Variants in PCDHA12 observed in about 807,000 individuals in gnomAD.
The protein encoded by PCDHA12 is protocadherin alpha 12, also known as protocadherin alpha-12.
A neutral mutation model predicts 60.0 loss-of-function variants in PCDHA12; 44 were observed. The ratio of observed to expected loss-of-function variants is 0.73; its 90% confidence interval spans 0.58 to 0.94. PCDHA12 has a LOEUF of 0.94. Among genes scored for constraint, PCDHA12 ranks in the 40% least tolerant of loss-of-function variants. The pLI is 0.00. For missense variants in PCDHA12, 1,276 were observed against 1,239.7 expected (o/e 1.03, Z -0.44); for synonymous variants, 569 against 553.0 (o/e 1.03, Z -0.40).
Position 140,877,150 on chromosome 5 carries a change from G to C in PCDHA12, c.1678G>C (p.Asp560His), listed in dbSNP as rs370292278. The change falls in exon 1 of 4, where the codon GAC becomes CAC. Residue 560 changes from aspartate (D) to histidine (H), a missense_variant. Asp to His is a moderately conservative substitution (Grantham distance 81, BLOSUM62 -1). Transcript: ENST00000398631. ...TLQVFVLDEN[D>H]NAPALLATPA... ...GCAGGTGTTCGTGCTGGACGAGAAC[G>C]ACAACGCGCCGGCACTGCTGGCGAC... 1 of 1,613,790 alleles carries C rather than the reference G, an allele frequency of 6.2e-7. No individual in the cohort carries two copies. The highest frequency in any genetic ancestry group is 2.2e-5 in the East Asian group (1 of 44,870).
chr5:140,917,333 G>A (rs1301739777), intron 1 of PCDHA12, among the ~76,000 whole-genome samples: 2 of 148,632 alleles, frequency 1.3e-5, no homozygotes, highest in African/African-American at 4.9e-5. Flanking sequence ...GCGGGGGAGG[G>A]GGGGGATGGT....
intron 1 of PCDHA12, among the ~76,000 whole-genome samples, chr5:140,894,455 T>C (rs1316862860): frequency 6.6e-6 from 1 of 152,000 alleles, no homozygotes; most frequent in Non-Finnish European, 1.5e-5. Flanking sequence ...TTAAAAAATA[T>C]TTTACTTTTT....
intron 1 of PCDHA12, among the ~76,000 whole-genome samples, chr5:140,904,512 C>A (rs1251570223): frequency 2.0e-5 from 3 of 151,738 alleles, no homozygotes; most frequent in African/African-American, 7.3e-5. Flanking sequence ...GTGAATTGTG[C>A]TGCTATAAAC....
At chr5:140,887,767 A>G (rs782237653) in intron 1 of PCDHA12, among the ~76,000 whole-genome samples, 6 of 152,194 alleles carry the variant, frequency 3.9e-5, no homozygotes, top group African/African-American at 7.2e-5. Context: ...CATATGTTAC[A>G]ATGACACAGG....
chr5:140,891,602 T>G (rs1002471186), intron 1 of PCDHA12, among the ~76,000 whole-genome samples: 16 of 152,184 alleles, frequency 1.1e-4, no homozygotes, highest in Non-Finnish European at 1.8e-4. Context: ...TCCCATCTAT[T>G]TCTACCTTTT....
chr5:140,914,042 T>C (rs2076573370), intron 1 of PCDHA12, among the ~76,000 whole-genome samples: 1 of 152,222 alleles, frequency 6.6e-6, no homozygotes, highest in South Asian at 2.1e-4. Context: ...AGAATGTGTA[T>C]TCTGCAGCTG....
At chr5:140,905,035 G>C (rs1554191907) in intron 1 of PCDHA12, among the ~76,000 whole-genome samples, 1 of 152,136 alleles carries the variant, frequency 6.6e-6, no homozygotes. Flanking sequence ...AAGCTTTTTA[G>C]TTTAATTAGG....
At chr5:140,954,305 T>C (rs2153702260) in intron 1 of PCDHA12, among the ~76,000 whole-genome samples, 1 of 152,342 alleles carries the variant, frequency 6.6e-6, no homozygotes, top group South Asian at 2.1e-4. Context: ...TACCCAGTAA[T>C]GGGATTGCTG....
At chr5:140,988,414 T>C (rs1554250128) in intron 3 of PCDHA12, among the ~76,000 whole-genome samples, 1 of 152,194 alleles carries the variant, frequency 6.6e-6, no homozygotes. Flanking sequence ...GCAGCTTATG[T>C]AAAGAATTTG....
At position 140,912,557 on chromosome 5, in the gene PCDHA12, A is replaced by T. The variant is rs1220242152; in HGVS notation, c.2367+34718A>T. On this transcript the variant is annotated intron_variant, in intron 1 of 3. Transcript: ENST00000398631. ...GATCATATTGTCAGCAAACAGCAAC[A>T]GTTTTAACTTCCTCTTTTCCAATTT... Among the ~76,000 whole-genome samples the T allele has an allele frequency of 4.6e-5, 7 of 152,154 alleles. No individual in the cohort carries two copies. The South Asian group carries it at 1.5e-3, about 32-fold the overall frequency.
intron 3 of PCDHA12, among the ~76,000 whole-genome samples, chr5:141,000,496 C>T (rs1257530549): frequency 7.4e-6 from 1 of 134,362 alleles, no homozygotes; most frequent in Non-Finnish European, 1.5e-5. Context: ...GGTAAGATCT[C>T]GGCTCACTGC....
chr5:140,935,353 T>C (rs2090328143), intron 1 of PCDHA12, among the ~76,000 whole-genome samples: 1 of 152,184 alleles, frequency 6.6e-6, no homozygotes, highest in Non-Finnish European at 1.5e-5. Flanking sequence ...CAAATCCCAG[T>C]TTTCATTAAC....
chr5:140,931,430 A>G (rs1431087207), intron 1 of PCDHA12, among the ~76,000 whole-genome samples: 2 of 149,950 alleles, frequency 1.3e-5, no homozygotes, highest in Non-Finnish European at 3.0e-5. Flanking sequence ...AGTTAGAAGG[A>G]AAATTAGCTA....
Position 140,974,796 on chromosome 5 carries a change from G to T in PCDHA12, c.2368-4153G>T, listed in dbSNP as rs2096640726. On this transcript the variant is annotated intron_variant, in intron 1 of 3. Transcript: ENST00000398631. The stretch of plus-strand genomic sequence containing the variant: ...AGCCACTGCGCCCAGCCCTCATTTT[G>T]ATATACTAGAAGACCAATATGCAAC... Among the ~76,000 whole-genome samples the T allele has an allele frequency of 2.6e-5, 4 of 152,194 alleles. No individual in the cohort carries two copies. In the South Asian group the frequency reaches 8.3e-4, roughly 32 times the overall value.
chr5:140,980,598 C>G (rs574589264), intron 2 of PCDHA12, among the ~76,000 whole-genome samples: 1 of 152,152 alleles, frequency 6.6e-6, no homozygotes, highest in South Asian at 2.1e-4. Flanking sequence ...CCACTGCACT[C>G]CAGCCTGGCG....
At chr5:140,953,135 G>C (rs1331167155) in intron 1 of PCDHA12, among the ~76,000 whole-genome samples, 2 of 152,126 alleles carry the variant, frequency 1.3e-5, no homozygotes, top group Non-Finnish European at 2.9e-5. Flanking sequence ...CCGTATCACT[G>C]TTATATTTCT....
At chr5:141,000,768 A>G (rs1434125702) in intron 3 of PCDHA12, among the ~76,000 whole-genome samples, 43 of 151,864 alleles carry the variant, frequency 2.8e-4, no homozygotes, top group African/African-American at 4.8e-5. Context: ...TTAGCCAGGC[A>G]TAGTGGCGCA....
intron 1 of PCDHA12, among the ~76,000 whole-genome samples, chr5:140,951,182 C>T (rs782338729): frequency 9.2e-5 from 14 of 151,876 alleles, no homozygotes; most frequent in East Asian, 1.9e-4. Context: ...AGTCATTGTC[C>T]GCTAATTCCC....
intron 3 of PCDHA12, among the ~76,000 whole-genome samples, chr5:140,987,354 G>A (rs1180342992): frequency 2.6e-5 from 4 of 152,166 alleles, no homozygotes; most frequent in Admixed American, 2.6e-4. Context: ...TATTCCTGAG[G>A]TTGTCTTATA....
Sources: gnomAD v4.1 joint callset for allele counts (sites outside exome capture counted in the v4.1 genomes callset) on GRCh38, gnomAD v4.1.1 for gene constraint, MANE v1.5 for transcripts, NCBI Gene and HGNC (gene_info 2026-07-23, HGNC 2026-07-21) for gene names.